Variants in EP300 observed in about 807,000 individuals in gnomAD.
The protein encoded by EP300 is histone acetyltransferase p300.
In EP300, 31 loss-of-function variants were observed where a neutral mutation model predicts 264.0. The observed-to-expected ratio is 0.12, with a 90% CI of 0.09 to 0.16. The LOEUF is 0.16. Among genes scored for constraint, EP300 ranks in the 10% least tolerant of loss-of-function variants. The pLI is 1.00. For synonymous variants in EP300, 1,340 were observed against 1,045.4 expected (o/e 1.28, Z -5.44); for missense variants, 2,766 against 3,052.9 (o/e 0.91, Z 2.21).
At chr22:41,148,855 G>A in intron 12 of EP300, 183 bp from the exon 13 acceptor site, 1 of 698,288 alleles carries the variant, frequency 1.4e-6, no homozygotes, top group Non-Finnish European at 2.4e-6. Flanking sequence ...TCTTTATCTT[G>A]GCACAAGAGT....
In EP300 at chr22:41,135,809, T is replaced by G. The variant is rs908673217; in HGVS notation, c.1529-4T>G. The stretch of plus-strand genomic sequence containing the variant: ...CTGTCTCCTGTTATTTCATTTTGAC[T>G]TAGGTGCTAGTCCTATGGGAGTAAA... On this transcript the variant is annotated splice_polypyrimidine_tract_variant and splice_region_variant and intron_variant, in intron 6 of 30. Transcript: ENST00000263253. 8 of 1,606,426 alleles carry G rather than the reference T, an allele frequency of 5.0e-6. No homozygotes were observed. The highest frequency in any genetic ancestry group is 6.0e-6 in the Non-Finnish European group (7 of 1,173,038).
At position 41,139,432 on chromosome 22, in the gene EP300, G is replaced by C. The variant is rs184437338; in HGVS notation, c.1761-708G>C. ...TTTGGGGTTGATCATTTGACTTTAC[G>C]TTAAAAGTTTATTATATATGCTCGA... On this transcript the variant is annotated intron_variant, in intron 8 of 30. Coordinates refer to ENST00000263253, the MANE Select transcript of EP300 (RefSeq NM_001429.4). Among the ~76,000 whole-genome samples the C allele has an allele frequency of 2.6e-5, 4 of 152,230 alleles. No individual in the cohort carries two copies. In the South Asian group the frequency reaches 8.3e-4, roughly 32 times the overall value.
chr22:41,169,750 C>G (rs951052970), intron 26 of EP300, 134 bp downstream of exon 26: 2 of 662,140 alleles, frequency 3.0e-6, no homozygotes, highest in African/African-American at 1.8e-5. Context: ...ATTCTCTTAA[C>G]TTTGTTGGAG....
rs999139483 is a variant in EP300, at chr22:41,179,409, G to A, written c.*453G>A. On this transcript the variant is annotated 3_prime_UTR_variant, in exon 31 of 31. Transcript: ENST00000263253. ...GAGTTAAAACATTTCTAAACCAGAG[G>A]ACAAAAGGGGTTAATGTTACTTTAA... is the stretch of plus-strand genomic sequence containing the variant. 5.2e-6 allele frequency: 1 copy of A among 192,608 alleles called. No individual in the cohort carries two copies. The highest frequency in any genetic ancestry group is 1.1e-5 in the Non-Finnish European group (1 of 93,802). The allele number at this position is 192,608 out of a possible 1,614,324, so 11.9% of individuals were successfully genotyped here. A position where few individuals can be genotyped will look rare whatever the true frequency, so the allele number is the denominator to read the frequency against.
intron 1 of EP300, among the ~76,000 whole-genome samples, chr22:41,094,193 G>A (rs1285224594): frequency 6.6e-6 from 1 of 152,106 alleles, no homozygotes; most frequent in Admixed American, 6.6e-5. Flanking sequence ...AGAATGGCTG[G>A]CCATCTGACA....
At chr22:41,107,646 C>T (rs1291695419) in intron 1 of EP300, among the ~76,000 whole-genome samples, 1 of 152,084 alleles carries the variant, frequency 6.6e-6, no homozygotes, top group Non-Finnish European at 1.5e-5. Flanking sequence ...CAATTTCTCA[C>T]GTATCATTGA....
At chr22:41,143,202 C>G (rs4822008) in intron 10 of EP300, among the ~76,000 whole-genome samples, 37,984 of 152,124 alleles carry the variant, frequency 0.25, 5,585 homozygotes, top group Admixed American at 0.43. Flanking sequence ...CCTGTAATCC[C>G]AGCTCTTTGG....
chr22:41,148,192 G>A (rs2059023442), intron 12 of EP300, among the ~76,000 whole-genome samples: 1 of 152,148 alleles, frequency 6.6e-6, no homozygotes. Flanking sequence ...CTTCCCTGAT[G>A]TCTGTCTTCC....
At chr22:41,116,067 A>G (rs1209881683) in intron 1 of EP300, among the ~76,000 whole-genome samples, 1 of 152,230 alleles carries the variant, frequency 6.6e-6, no homozygotes, top group Admixed American at 6.5e-5. Context: ...GAATATTAAT[A>G]CAGCTTAATT....
chr22:41,179,354 A>C lies in EP300; in HGVS notation c.*398A>C, dbSNP rs2059225797. ...TTATTTACTGGTGCAGATGGTTGAC[A>C]TTTTTCCCTATTTTCCTCACTTTAT... On this transcript the variant is annotated 3_prime_UTR_variant, in exon 31 of 31. Transcript: ENST00000263253. 1 of 224,604 alleles carries C rather than the reference A, an allele frequency of 4.5e-6. No homozygotes were observed. Among genetic ancestry groups the C allele is most frequent in the Non-Finnish European group, 8.9e-6 (1 of 112,370 alleles). 13.9% of individuals were successfully genotyped at this position (224,604 alleles called of 1,614,324 possible). A position where few individuals can be genotyped will look rare whatever the true frequency, so the allele number is the denominator to read the frequency against.
intron 17 of EP300, among the ~76,000 whole-genome samples, chr22:41,156,643 C>T (rs2059078989): frequency 6.6e-6 from 1 of 152,096 alleles, no homozygotes; most frequent in African/African-American, 2.4e-5. Flanking sequence ...ATAGTTTGAA[C>T]GACCCTGGGA....
Position 41,160,645 on chromosome 22 carries a change from T to C in EP300, c.3594T>C (p.Tyr1198=). 1 of 1,614,026 alleles carries C rather than the reference T, an allele frequency of 6.2e-7. No individual in the cohort carries two copies. The part of the protein sequence containing the change: ...DATYYSYQNR[Y]HFCEKCFNEI... Reference sequence around the variant, plus strand: ...AGTATGGCCTTCTTGCCGACAGGTATCATTTCTGTGAGAAGTGTTTCAATG... The same window carrying C: ...AGTATGGCCTTCTTGCCGACAGGTACCATTTCTGTGAGAAGTGTTTCAATG... Residue 1198 remains tyrosine, a synonymous_variant, in exon 20 of 31, where the codon TAT becomes TAC. Transcript: ENST00000263253.
chr22:41,126,351 G>A (rs1401047492), intron 3 of EP300: 3 of 278,148 alleles, frequency 1.1e-5, no homozygotes, highest in East Asian at 7.5e-5. Context: ...TACGAAAGCG[G>A]AACCTTTCAC....
At position 41,151,893 on chromosome 22, in the gene EP300, A is replaced by T; in HGVS notation, c.2878A>T (p.Thr960Ser). The T allele has an allele frequency of 6.2e-7, 1 of 1,614,100 alleles. No individual in the cohort carries two copies. Among genetic ancestry groups the T allele is most frequent in the Non-Finnish European group, 8.5e-7 (1 of 1,180,014 alleles). The change falls in exon 15 of 31, where the codon ACA (threonine) becomes TCA (serine). Residue 960 changes from threonine to serine, a missense_variant. Transcript: ENST00000263253. ...QVSNPPSTSSTEVNSQAIAEK... is the reference protein window; with the variant it reads ...QVSNPPSTSSSEVNSQAIAEK... ...ATCAAATCCTCCATCTACTAGTAGCACAGAAGTGAATTCTCAGGCCATTGC... is the reference window on the plus strand; with the variant it reads ...ATCAAATCCTCCATCTACTAGTAGCTCAGAAGTGAATTCTCAGGCCATTGC...
intron 25 of EP300, 53 bp from the exon 26 acceptor site, chr22:41,169,450 C>G (rs2145764787): frequency 9.0e-7 from 1 of 1,111,802 alleles, no homozygotes. Context: ...GTAAAGAACT[C>G]ATTATGTGAC....
At chr22:41,128,544 G>A (rs1020645645) in intron 4 of EP300, among the ~76,000 whole-genome samples, 15 of 152,196 alleles carry the variant, frequency 9.9e-5, no homozygotes, top group Non-Finnish European at 2.2e-4. Flanking sequence ...GTCTCGCTCT[G>A]TTTCCCAGGC....
chr22:41,130,349 T>TC (rs1261785372), intron 5 of EP300, among the ~76,000 whole-genome samples: 1 of 151,878 alleles, frequency 6.6e-6, no homozygotes, highest in Admixed American at 6.6e-5. Context: ...TCCCAGGAGT[T>TC]CAAGACCAGC....
intron 2 of EP300, among the ~76,000 whole-genome samples, chr22:41,118,379 A>G (rs1004837150): frequency 1.3e-5 from 2 of 152,234 alleles, no homozygotes; most frequent in African/African-American, 4.8e-5. Context: ...AGTATATTAA[A>G]AATATTTTAA....
chr22:41,135,407 T>G (rs1235684784), intron 6 of EP300, among the ~76,000 whole-genome samples: 1 of 152,162 alleles, frequency 6.6e-6, no homozygotes, highest in African/African-American at 2.4e-5. Flanking sequence ...TGCACAATTA[T>G]TTGAATGATA....
Sources: gnomAD v4.1 joint callset for allele counts (sites outside exome capture counted in the v4.1 genomes callset) on GRCh38, gnomAD v4.1.1 for gene constraint, MANE v1.5 for transcripts, NCBI Gene and HGNC (gene_info 2026-07-23, HGNC 2026-07-21) for gene names.